COL8A1: variants seen among roughly 807,000 people sequenced by gnomAD.
COL8A1 encodes collagen alpha-1(VIII) chain.
In COL8A1, 21 loss-of-function variants were observed where a neutral mutation model predicts 42.7. The ratio of observed to expected loss-of-function variants is 0.49; its 90% CI spans 0.35 to 0.71. The LOEUF (loss-of-function observed/expected upper bound fraction) is 0.71. Ranked by LOEUF, COL8A1 falls within the 30% of genes least tolerant of loss-of-function variation. The pLI is 0.01. For synonymous variants in COL8A1, 367 were observed against 369.1 expected, an observed-to-expected ratio of 0.99 and a Z score of 0.06; for missense variants, 788 against 962.4, an observed-to-expected ratio of 0.82 and a Z score of 2.40.
chr3:99,795,968 C>T lies in COL8A1; in HGVS notation c.2067C>T (p.Tyr689=), dbSNP rs749350499. ...FKNNEPVMYT[Y]DEYKKGFLDQ... ...ACAACGAGCCCGTGATGTACACGTA[C>T]GACGAGTACAAAAAGGGCTTCCTGG... is the stretch of plus-strand genomic sequence containing the variant. Residue 689 remains tyrosine, a synonymous_variant, in exon 4 of 4, where the codon TAC becomes TAT. Coordinates refer to ENST00000652472, the MANE Select transcript of COL8A1 (RefSeq NM_020351.4). 5.6e-6 allele frequency: 9 copies of T among 1,614,032 alleles called. No individual in the cohort carries two copies. The highest frequency in any genetic ancestry group is 1.3e-5 in the African/African-American group (1 of 75,034).
chr3:99,707,352 C>A (rs1461169734), intron 1 of COL8A1, among the ~76,000 whole-genome samples: 4 of 152,186 alleles, frequency 2.6e-5, no homozygotes, highest in African/African-American at 9.7e-5. Context: ...GGCTCTCAAG[C>A]CCTCAGAGGG....
chr3:99,679,627 T>C (rs1938806492), intron 1 of COL8A1: 1 of 152,198 alleles, frequency 6.6e-6, no homozygotes, highest in African/African-American at 2.4e-5. Flanking sequence ...TGTATGATCT[T>C]GAGCAAGTCA....
chr3:99,706,763 A>G (rs9843372), intron 1 of COL8A1, among the ~76,000 whole-genome samples: 1,743 of 152,308 alleles, frequency 0.011, 36 homozygotes, highest in African/African-American at 0.04. Flanking sequence ...CAGCTCTGCA[A>G]TGGTAGATTT....
chr3:99,707,844 A>G (rs1939724905), intron 1 of COL8A1, among the ~76,000 whole-genome samples: 1 of 152,208 alleles, frequency 6.6e-6, no homozygotes, highest in Non-Finnish European at 1.5e-5. Context: ...CTGCTCTAAG[A>G]GCCTTACATT....
intron 2 of COL8A1, among the ~76,000 whole-genome samples, chr3:99,747,865 G>C (rs1285465845): frequency 6.6e-6 from 1 of 152,178 alleles, no homozygotes; most frequent in African/African-American, 2.4e-5. Flanking sequence ...AGCTTGGTAT[G>C]AATAGCCTTT....
intron 1 of COL8A1, among the ~76,000 whole-genome samples, chr3:99,655,478 C>T (rs906376886): frequency 1.3e-5 from 2 of 152,196 alleles, no homozygotes; most frequent in Non-Finnish European, 2.9e-5. Context: ...CCCTGAAATA[C>T]TGTGAGGTCC....
intron 1 of COL8A1, among the ~76,000 whole-genome samples, chr3:99,643,079 T>C (rs1189846111): frequency 6.6e-6 from 1 of 152,212 alleles, no homozygotes; most frequent in African/African-American, 2.4e-5. Context: ...GAAAGATTAA[T>C]GTCTTTCCCC....
intron 1 of COL8A1, among the ~76,000 whole-genome samples, chr3:99,647,658 A>G (rs554086153): frequency 6.6e-6 from 1 of 152,334 alleles, no homozygotes; most frequent in East Asian, 1.9e-4. Flanking sequence ...TAATTCTTTG[A>G]ACTAGCTCAT....
chr3:99,778,270 C>G (rs1941731116), intron 2 of COL8A1, among the ~76,000 whole-genome samples: 1 of 152,106 alleles, frequency 6.6e-6, no homozygotes, highest in African/African-American at 2.4e-5. Flanking sequence ...TGGGGAGGGC[C>G]AACGACAGTG....
chr3:99,767,355 G>GA (rs1161575790), intron 2 of COL8A1, among the ~76,000 whole-genome samples: 21 of 152,126 alleles, frequency 1.4e-4, no homozygotes, highest in African/African-American at 5.1e-4. Flanking sequence ...CCAAGTCTTG[G>GA]AAAAGAGCTA....
At position 99,686,839 on chromosome 3, in the gene COL8A1, C is replaced by T. The variant is rs561655127; in HGVS notation, c.-129+48175C>T. 2.3e-3 allele frequency among the ~76,000 whole-genome samples: 353 copies of T among 152,154 alleles called. 1 individual carries two copies. Among genetic ancestry groups the T allele is most frequent in the Non-Finnish European group, 3.1e-3 (214 of 67,986 alleles). ...TACAGGCACATGCCACCATGCCTGGCTAATTTTTGTTTGTTTGTTTTTGGG... is the reference window on the plus strand; with the variant it reads ...TACAGGCACATGCCACCATGCCTGGTTAATTTTTGTTTGTTTGTTTTTGGG... On this transcript the variant is annotated intron_variant, in intron 1 of 3. Transcript: ENST00000652472.
At chr3:99,702,583 T>C (rs771166663) in intron 1 of COL8A1, among the ~76,000 whole-genome samples, 1 of 152,220 alleles carries the variant, frequency 6.6e-6, no homozygotes, top group African/African-American at 2.4e-5. Context: ...TGAGTGATGA[T>C]CAACATGATG....
At chr3:99,672,373 T>C (rs1467048872) in intron 1 of COL8A1, among the ~76,000 whole-genome samples, 1 of 152,026 alleles carries the variant, frequency 6.6e-6, no homozygotes, top group East Asian at 1.9e-4. Context: ...CTTCCATGTT[T>C]TTCTAACTTC....
intron 2 of COL8A1, among the ~76,000 whole-genome samples, chr3:99,778,687 A>G (rs889715592): frequency 6.6e-6 from 1 of 152,176 alleles, no homozygotes; most frequent in Non-Finnish European, 1.5e-5. Context: ...CCATTCTTGT[A>G]AGCTGGCAGG....
intron 1 of COL8A1, among the ~76,000 whole-genome samples, chr3:99,669,836 G>T (rs1341395693): frequency 6.6e-6 from 1 of 151,998 alleles, no homozygotes; most frequent in Non-Finnish European, 1.5e-5. Context: ...TAATTGCCAT[G>T]GTGTGATCCC....
chr3:99,751,388 C>A (rs1250803888), intron 2 of COL8A1, among the ~76,000 whole-genome samples: 17 of 151,966 alleles, frequency 1.1e-4, no homozygotes, highest in Admixed American at 1.1e-3. Flanking sequence ...CGAAACCCTG[C>A]CTCTACTACA....
At chr3:99,736,131 T>A (rs1028872072) in intron 1 of COL8A1, among the ~76,000 whole-genome samples, 1 of 151,616 alleles carries the variant, frequency 6.6e-6, no homozygotes, top group African/African-American at 2.4e-5. Flanking sequence ...TTTTGAAGGG[T>A]TTTTTGTGTC....
intron 1 of COL8A1, among the ~76,000 whole-genome samples, chr3:99,662,896 A>T (rs1181026155): frequency 6.6e-6 from 1 of 152,040 alleles, no homozygotes; most frequent in East Asian, 1.9e-4. Flanking sequence ...GACCCCAATC[A>T]TATTGGAGTA....
At chr3:99,748,534 T>C (rs182167073) in intron 2 of COL8A1, among the ~76,000 whole-genome samples, 1 of 152,300 alleles carries the variant, frequency 6.6e-6, no homozygotes, top group Admixed American at 6.5e-5. Flanking sequence ...AAAATTAATT[T>C]CACCTGTTTC....
Sources: allele counts gnomAD v4.1 joint callset (sites outside exome capture counted in the v4.1 genomes callset), GRCh38; gene constraint gnomAD v4.1.1; transcripts MANE v1.5; gene names NCBI Gene and HGNC (gene_info 2026-07-23, HGNC 2026-07-21).